Variants in CHSY3 observed in about 807,000 individuals in gnomAD.
The protein encoded by CHSY3 is chondroitin sulfate synthase 3.
Under a neutral mutation model 67.2 loss-of-function variants are expected in CHSY3, and 35 were observed. That is an observed-to-expected ratio of 0.52 (90% confidence interval 0.40 to 0.69). CHSY3 has a LOEUF of 0.69. CHSY3 is among the 30% of genes least tolerant of loss of function. The pLI is 0.00. For missense variants in CHSY3, 1,069 were observed against 1,138.5 expected, an observed-to-expected ratio of 0.94 and a Z score of 0.88; for synonymous variants, 474 against 434.7, an observed-to-expected ratio of 1.09 and a Z score of -1.12.
At chr5:130,147,762 G>A (rs1316931293) in intron 2 of CHSY3, among the ~76,000 whole-genome samples, 2 of 152,136 alleles carry the variant, frequency 1.3e-5, no homozygotes, top group African/African-American at 2.4e-5. Flanking sequence ...ATGAGAGCGA[G>A]TAGGGGAATG....
intron 2 of CHSY3, among the ~76,000 whole-genome samples, chr5:130,137,150 G>T (rs916782811): frequency 1.6e-4 from 24 of 152,010 alleles, no homozygotes; most frequent in Non-Finnish European, 2.5e-4. Context: ...GACATAATAG[G>T]GATGAAAGAA....
intron 2 of CHSY3, among the ~76,000 whole-genome samples, chr5:130,080,370 G>A (rs1399748285): frequency 6.6e-6 from 1 of 151,952 alleles, no homozygotes; most frequent in Non-Finnish European, 1.5e-5. Flanking sequence ...TTGTAGCATT[G>A]GTTTATAGCT....
chr5:130,143,417 T>C lies in CHSY3; in HGVS notation c.1087-40812T>C, dbSNP rs1768935324. Among the ~76,000 whole-genome samples, 3 of 152,100 alleles carry C rather than the reference T, an allele frequency of 2.0e-5. No individual in the cohort carries two copies. The South Asian group carries it at 6.2e-4, about 32-fold the overall frequency. On this transcript the variant is annotated intron_variant, in intron 2 of 2. Coordinates refer to ENST00000305031, the MANE Select transcript of CHSY3 (RefSeq NM_175856.5). ...CCAAATTAATCTATGCTATTTGAAC[T>C]GAAATATATGAATTTATACATAGTA...
intron 2 of CHSY3, among the ~76,000 whole-genome samples, chr5:129,942,122 G>T (rs1761718108): frequency 6.6e-6 from 1 of 152,082 alleles, no homozygotes; most frequent in African/African-American, 2.4e-5. Context: ...TCTACAATCA[G>T]AAAGGTGGGG....
At chr5:130,151,117 T>G (rs76736039) in intron 2 of CHSY3, among the ~76,000 whole-genome samples, 6,581 of 152,284 alleles carry the variant, frequency 0.043, 376 homozygotes, top group East Asian at 0.27. Context: ...TTGTGGGGAT[T>G]ATGGGTGTCA....
intron 2 of CHSY3, among the ~76,000 whole-genome samples, chr5:130,034,258 A>G (rs1241453395): frequency 6.6e-6 from 1 of 152,044 alleles, no homozygotes; most frequent in Admixed American, 6.6e-5. Flanking sequence ...TCATTTTACA[A>G]TTAATATTCT....
intron 2 of CHSY3, among the ~76,000 whole-genome samples, chr5:129,914,505 G>C (rs1760675302): frequency 6.6e-6 from 1 of 152,126 alleles, no homozygotes; most frequent in Non-Finnish European, 1.5e-5. Context: ...GTATAAGACA[G>C]GGATTTTGAT....
Position 130,086,994 on chromosome 5 carries a change from C to A in CHSY3, c.1087-97235C>A, listed in dbSNP as rs1766658810. ...TAAAATACTGGCAAACCGAATCCAG[C>A]AGCACATCAAAAAGCTTATCCACCA... On this transcript the variant is annotated intron_variant, in intron 2 of 2. Coordinates refer to ENST00000305031, the MANE Select transcript of CHSY3 (RefSeq NM_175856.5). Among the ~76,000 whole-genome samples the A allele has an allele frequency of 2.6e-5, 4 of 152,222 alleles. No homozygotes were observed. The South Asian group carries it at 8.3e-4, about 32-fold the overall frequency.
chr5:129,952,983 TC>T (rs201334162), intron 2 of CHSY3, among the ~76,000 whole-genome samples: 5 of 152,286 alleles, frequency 3.3e-5, no homozygotes, highest in Admixed American at 2.6e-4. Flanking sequence ...TCCTATATCT[TC>T]TTTTTTTAAA....
intron 2 of CHSY3, among the ~76,000 whole-genome samples, chr5:130,086,607 G>C (rs1766638669): frequency 6.6e-6 from 1 of 152,046 alleles, no homozygotes; most frequent in South Asian, 2.1e-4. Flanking sequence ...AAATAAACTA[G>C]AAAATCTAGA....
In CHSY3 at chr5:130,185,313, G is replaced by A. The variant is rs755095692; in HGVS notation, c.2171G>A (p.Arg724Lys). 1.9e-6 allele frequency: 3 copies of A among 1,610,856 alleles called. No homozygotes were observed. The highest frequency in any genetic ancestry group is 2.2e-5 in the South Asian group (2 of 91,034). The change falls in exon 3 of 3, where the codon AGA becomes AAA. Residue 724 changes from arginine to lysine, a missense_variant. By Grantham distance (26) the Arg-to-Lys change is conservative. Around this residue, in one of 5 missense-constraint regions of CHSY3, gnomAD observed 401 missense variants for 395.2 expected, o/e 1.01. Transcript: ENST00000305031. ...TTTTGTGATGTTGACTTGATCTTCA[G>A]AGAAGATTTTCTCCAACGATGTAGA... Reference protein sequence around the residue: ...LLFCDVDLIFREDFLQRCRDN... With the variant: ...LLFCDVDLIFKEDFLQRCRDN...
chr5:130,028,962 CCCT>C (rs1764633847), intron 2 of CHSY3, among the ~76,000 whole-genome samples: 2 of 152,020 alleles, frequency 1.3e-5, no homozygotes, highest in South Asian at 2.1e-4. Context: ...TCTTCTTTTT[CCCT>C]CCTCCTCTCT....
chr5:130,166,769 C>G (rs1289746457), intron 2 of CHSY3, among the ~76,000 whole-genome samples: 1 of 152,096 alleles, frequency 6.6e-6, no homozygotes, highest in Admixed American at 6.6e-5. Context: ...CATAATTTAT[C>G]ATAAAGCTTT....
chr5:130,174,430 C>G (rs912796620), intron 2 of CHSY3, among the ~76,000 whole-genome samples: 1 of 151,996 alleles, frequency 6.6e-6, no homozygotes, highest in Non-Finnish European at 1.5e-5. Context: ...CAGCTTTACC[C>G]ATGATAGTAT....
intron 2 of CHSY3, among the ~76,000 whole-genome samples, chr5:129,991,590 C>G (rs1763368195): frequency 6.6e-6 from 1 of 151,926 alleles, no homozygotes. Context: ...TTGAGTTTGT[C>G]CTAAAGTTGA....
intron 2 of CHSY3, among the ~76,000 whole-genome samples, chr5:130,020,424 T>A (rs1421229060): frequency 0.014 from 66 of 4,738 alleles, 1 homozygote; most frequent in Admixed American, 0.023. Flanking sequence ...CATCTCAAAA[T>A]ATATATATAT....
At chr5:130,074,867 T>C (rs1174968202) in intron 2 of CHSY3, among the ~76,000 whole-genome samples, 2 of 151,172 alleles carry the variant, frequency 1.3e-5, no homozygotes, top group African/African-American at 4.9e-5. Flanking sequence ...GTTGGAGTTA[T>C]ATAAACAAAT....
chr5:130,021,744 G>A (rs558353731), intron 2 of CHSY3, among the ~76,000 whole-genome samples: 2 of 151,984 alleles, frequency 1.3e-5, no homozygotes, highest in African/African-American at 4.8e-5. Context: ...ATGTAAATTC[G>A]CATGTGTGAT....
intron 2 of CHSY3, among the ~76,000 whole-genome samples, chr5:129,928,630 C>T (rs542706770): frequency 7.2e-5 from 11 of 152,224 alleles, no homozygotes; most frequent in African/African-American, 2.6e-4. Flanking sequence ...TTTCTACCTT[C>T]TTTCATTATA....
Sources: gnomAD v4.1 joint callset for allele counts (sites outside exome capture counted in the v4.1 genomes callset) on GRCh38, gnomAD v4.1.1 for gene constraint, gnomAD v4.1.1 regional missense constraint, MANE v1.5 for transcripts, NCBI Gene and HGNC (gene_info 2026-07-23, HGNC 2026-07-21) for gene names.